COL5A1: variants seen among roughly 807,000 people sequenced by gnomAD.
The protein encoded by COL5A1 is collagen type V alpha 1 chain.
A neutral mutation model predicts 263.7 loss-of-function variants in COL5A1; 16 were observed. The ratio of observed to expected loss-of-function variants is 0.06; its 90% CI spans 0.04 to 0.09. The LOEUF (loss-of-function observed/expected upper bound fraction) is 0.09. Ranked by LOEUF, COL5A1 falls within the 10% of genes least tolerant of loss-of-function variation. The pLI, the probability that COL5A1 is intolerant of heterozygous loss-of-function variation, is 1.00. For missense variants in COL5A1, 2,036 were observed against 2,540.5 expected, an observed-to-expected ratio of 0.80 and a Z score of 4.27; for synonymous variants, 1,012 against 1,004.5, an observed-to-expected ratio of 1.01 and a Z score of -0.14.
chr9:134,815,176 G>C (rs887504492), intron 50 of COL5A1, among the ~76,000 whole-genome samples: 2 of 152,284 alleles, frequency 1.3e-5, no homozygotes, highest in African/African-American at 4.8e-5. Context: ...TGACAGCCAG[G>C]CTTTGGGAAG....
chr9:134,774,550 C>T (rs1043977389), intron 26 of COL5A1, among the ~76,000 whole-genome samples: 1 of 152,226 alleles, frequency 6.6e-6, no homozygotes, highest in African/African-American at 2.4e-5. Context: ...TGCAGAGCTC[C>T]AACGCTGACC....
At chr9:134,822,042 C>T (rs981817285) in intron 58 of COL5A1, 55 bp from the exon 59 acceptor site, 2 of 1,512,406 alleles carry the variant, frequency 1.3e-6, no homozygotes, top group African/African-American at 2.7e-5. Context: ...GGGTTGCAGC[C>T]CCGCAGCTCC....
At position 134,732,013 on chromosome 9, in the gene COL5A1, ACTTT is replaced by A. The variant is rs1362282201; in HGVS notation, c.1333-51_1333-48del. On this transcript the variant is annotated intron_variant, in intron 8 of 65. Transcript: ENST00000371817. ...ATCGGGCAGATTTTGTGTAATCTGG[ACTTT>A]CTTTCTCACTTTTCTCTCTGATTCT... 45 of 1,590,164 alleles carry A rather than the reference ACTTT, an allele frequency of 2.8e-5. 1 individual carries two copies. The highest frequency in any genetic ancestry group is 3.6e-5 in the Non-Finnish European group (42 of 1,158,222).
At chr9:134,675,723 T>C (rs1832667774) in intron 1 of COL5A1, among the ~76,000 whole-genome samples, 1 of 152,196 alleles carries the variant, frequency 6.6e-6, no homozygotes, top group Non-Finnish European at 1.5e-5. Context: ...TTTCCACATG[T>C]GTGGTGTTGA....
intron 25 of COL5A1, among the ~76,000 whole-genome samples, chr9:134,772,057 G>A (rs547219340): frequency 2.6e-5 from 4 of 152,260 alleles, no homozygotes; most frequent in African/African-American, 7.2e-5. Flanking sequence ...CTAGAGCCTC[G>A]GCTGGGTACC....
chr9:134,727,781 G>C (rs1834716206), intron 5 of COL5A1, among the ~76,000 whole-genome samples: 1 of 152,176 alleles, frequency 6.6e-6, no homozygotes, highest in African/African-American at 2.4e-5. Context: ...CGGAGCCTGG[G>C]CTTGTCTACT....
chr9:134,769,205 A>T (rs1391455495), intron 25 of COL5A1, among the ~76,000 whole-genome samples: 1 of 152,274 alleles, frequency 6.6e-6, no homozygotes, highest in Non-Finnish European at 1.5e-5. Flanking sequence ...TAAAAACTAA[A>T]CAAGGAAGTT....
chr9:134,803,532 G>C (rs555534848), intron 39 of COL5A1, among the ~76,000 whole-genome samples: 2 of 152,320 alleles, frequency 1.3e-5, no homozygotes, highest in African/African-American at 4.8e-5. Flanking sequence ...CTACTTGGGA[G>C]GCTGAGGCAG....
chr9:134,670,809 C>G (rs1832518176), intron 1 of COL5A1, among the ~76,000 whole-genome samples: 1 of 152,254 alleles, frequency 6.6e-6, no homozygotes, highest in South Asian at 2.1e-4. Flanking sequence ...CTCTGGCCAT[C>G]TGTGTGCTGA....
chr9:134,665,067 C>T (rs532249034), intron 1 of COL5A1, among the ~76,000 whole-genome samples: 28 of 152,230 alleles, frequency 1.8e-4, no homozygotes, highest in African/African-American at 5.3e-4. Context: ...GGTGTGGTGG[C>T]GGGCGTCTGT....
chr9:134,738,888 T>C (rs965914502), intron 11 of COL5A1, 80 bp downstream of exon 11: 7 of 1,197,436 alleles, frequency 5.8e-6, no homozygotes, highest in Middle Eastern at 4.1e-4. Context: ...TGACCCGAGC[T>C]GTCCCTGCCT....
At chr9:134,822,772 G>A in intron 59 of COL5A1, 1 of 632,460 alleles carries the variant, frequency 1.6e-6, no homozygotes, top group Non-Finnish European at 2.9e-6. Context: ...TGGGTGGTAG[G>A]CTGGCCGGGG....
intron 31 of COL5A1, among the ~76,000 whole-genome samples, chr9:134,788,837 C>T (rs1268761086): frequency 8.3e-6 from 1 of 120,640 alleles, no homozygotes; most frequent in Non-Finnish European, 1.6e-5. Context: ...GATAGGTAGA[C>T]AGGCAGATGG....
chr9:134,747,851 ATGCATT>A (rs2132675032), intron 11 of COL5A1, among the ~76,000 whole-genome samples: 1 of 151,516 alleles, frequency 6.6e-6, no homozygotes, highest in Non-Finnish European at 1.5e-5. Context: ...ACATGCACAC[ATGCATT>A]CATACACACA....
chr9:134,755,978 TG>T lies in COL5A1; in HGVS notation c.1828-783del, dbSNP rs1017297400. On this transcript the variant is annotated intron_variant, in intron 16 of 65. Transcript: ENST00000371817. The surrounding 1 kb of genome is among the most constrained non-coding windows in gnomAD (Gnocchi z 4.1). ...GTGGCAGCCCTCTATACTCGCTGGC[TG>T]GGGTGCCTCGTTGTGCAGGGTGGCA... 1.3e-5 allele frequency among the ~76,000 whole-genome samples: 2 copies of T among 152,022 alleles called. No homozygotes were observed. The highest frequency in any genetic ancestry group is 4.8e-5 in the African/African-American group (2 of 41,398).
intron 1 of COL5A1, among the ~76,000 whole-genome samples, chr9:134,668,680 C>T (rs1832430168): frequency 6.6e-6 from 1 of 152,072 alleles, no homozygotes; most frequent in South Asian, 2.1e-4. Flanking sequence ...ACCCACTCAC[C>T]CATCCATCCA....
Position 134,757,106 on chromosome 9 carries a change from A to G in COL5A1, c.1881+288A>G. Reference sequence around the variant, plus strand: ...ACCATCCGTGGCCGTGCAGGTGACGAGGCGCATGTAGGGCAGAGGCGGGGC... The same window carrying G: ...ACCATCCGTGGCCGTGCAGGTGACGGGGCGCATGTAGGGCAGAGGCGGGGC... On this transcript the variant is annotated intron_variant, in intron 17 of 65. Coordinates refer to ENST00000371817, the MANE Select transcript of COL5A1 (RefSeq NM_000093.5). This position sits in a 1 kb window ranked among gnomAD's most constrained non-coding sequence, Gnocchi z 6.2. Among the ~76,000 whole-genome samples the G allele has an allele frequency of 6.6e-6, 1 of 152,026 alleles. No individual in the cohort carries two copies. The highest frequency in any genetic ancestry group is 1.5e-5 in the Non-Finnish European group (1 of 67,996).
At chr9:134,718,373 C>T (rs1834344038) in intron 4 of COL5A1, among the ~76,000 whole-genome samples, 1 of 152,160 alleles carries the variant, frequency 6.6e-6, no homozygotes, top group Non-Finnish European at 1.5e-5. Context: ...GGGCAGAATC[C>T]AGGAATGTAA....
At chr9:134,808,402 G>A (rs1051069094) in intron 42 of COL5A1, among the ~76,000 whole-genome samples, 1 of 152,218 alleles carries the variant, frequency 6.6e-6, no homozygotes, top group Admixed American at 6.5e-5. Flanking sequence ...GCAGTTAGGA[G>A]GAAAATGAAT....
Sources: allele counts gnomAD v4.1 joint callset (sites outside exome capture counted in the v4.1 genomes callset), GRCh38; gene constraint gnomAD v4.1.1; non-coding constraint Gnocchi (gnomAD v3.1); transcripts MANE v1.5; gene names NCBI Gene and HGNC (gene_info 2026-07-23, HGNC 2026-07-21).